RAB3C: variants seen among roughly 807,000 people sequenced by gnomAD.
RAB3C encodes the protein RAB3C, member RAS oncogene family.
Under a neutral mutation model 26.4 loss-of-function variants are expected in RAB3C, and 17 were observed. That is an observed-to-expected ratio of 0.64 (90% CI 0.44 to 0.97). RAB3C has a LOEUF of 0.97. RAB3C is among the 50% of genes least tolerant of loss of function. RAB3C has a pLI of 0.00. For missense variants in RAB3C, 242 were observed against 281.9 expected (o/e 0.86, Z 1.01); for synonymous variants, 91 against 95.9 (o/e 0.95, Z 0.30).
chr5:58,804,334 C>T (rs897596963), intron 3 of RAB3C, among the ~76,000 whole-genome samples: 5 of 152,128 alleles, frequency 3.3e-5, no homozygotes, highest in African/African-American at 9.7e-5. Flanking sequence ...GTGTGTTGTG[C>T]ATTCCTATTG....
chr5:58,838,273 G>A (rs1019686148), intron 4 of RAB3C, among the ~76,000 whole-genome samples: 6 of 151,860 alleles, frequency 4.0e-5, no homozygotes, highest in Admixed American at 2.0e-4. Flanking sequence ...CCAGCTACTC[G>A]GGAGGCTGAG....
chr5:58,764,291 G>A (rs1052975577), intron 3 of RAB3C, among the ~76,000 whole-genome samples: 1 of 143,704 alleles, frequency 7.0e-6, no homozygotes, highest in Non-Finnish European at 1.5e-5. Context: ...TTGTGCCCAC[G>A]GCTATGGCCT....
chr5:58,583,149 G>A lies in RAB3C; in HGVS notation c.-60G>A. 2 of 1,613,076 alleles carry A rather than the reference G, an allele frequency of 1.2e-6. No homozygotes were observed. Among genetic ancestry groups the A allele is most frequent in the Non-Finnish European group, 8.5e-7 (1 of 1,179,750 alleles). On this transcript the variant is annotated 5_prime_UTR_variant, in exon 1 of 5. Coordinates refer to ENST00000282878, the MANE Select transcript of RAB3C (RefSeq NM_138453.4). The stretch of plus-strand genomic sequence containing the variant: ...AGCGTGGAGCGCCGGGACTGTGCAC[G>A]CTTGACCGGAAGCCCAGACCAGTGC...
intron 3 of RAB3C, among the ~76,000 whole-genome samples, chr5:58,792,009 G>A (rs1323959670): frequency 6.6e-6 from 1 of 152,180 alleles, no homozygotes; most frequent in Non-Finnish European, 1.5e-5. Context: ...GTTGTAAATG[G>A]CAAAGGAAAT....
In RAB3C at chr5:58,786,343, T is replaced by C. The variant is rs1196804094; in HGVS notation, c.372-38695T>C. ...CTTGAGTCCAGCGTTTAGGGATGCATTGGAGGCAGCTGGCTGGTCCATCAT... is the reference window on the plus strand; with the variant it reads ...CTTGAGTCCAGCGTTTAGGGATGCACTGGAGGCAGCTGGCTGGTCCATCAT... On this transcript the variant is annotated intron_variant, in intron 3 of 4. Transcript: ENST00000282878. 2.6e-5 allele frequency among the ~76,000 whole-genome samples: 4 copies of C among 152,064 alleles called. No homozygotes were observed. In the South Asian group the frequency reaches 6.2e-4, roughly 24 times the overall value.
intron 2 of RAB3C, among the ~76,000 whole-genome samples, chr5:58,710,376 A>T (rs1166277316): frequency 6.6e-5 from 10 of 151,894 alleles, no homozygotes; most frequent in Admixed American, 4.6e-4. Flanking sequence ...AGGTGGGAGG[A>T]TCATTTGAGG....
chr5:58,702,744 G>T (rs910434908), intron 2 of RAB3C, among the ~76,000 whole-genome samples: 1 of 151,902 alleles, frequency 6.6e-6, no homozygotes, highest in Non-Finnish European at 1.5e-5. Context: ...AATAGCCTTT[G>T]TAGAAAAATT....
intron 2 of RAB3C, among the ~76,000 whole-genome samples, chr5:58,654,826 A>C (rs1747733235): frequency 6.6e-6 from 1 of 152,172 alleles, no homozygotes; most frequent in Admixed American, 6.5e-5. Context: ...TCCTTCATTC[A>C]ACATTTATTG....
chr5:58,636,809 G>C (rs1349462413), intron 2 of RAB3C, among the ~76,000 whole-genome samples: 1 of 152,114 alleles, frequency 6.6e-6, no homozygotes, highest in Non-Finnish European at 1.5e-5. Context: ...GATAGGAAGG[G>C]CATATGAGAA....
chr5:58,851,417 C>T lies in RAB3C; in HGVS notation c.*66C>T, dbSNP rs1414435287. On this transcript the variant is annotated 3_prime_UTR_variant, in exon 5 of 5. Transcript: ENST00000282878. ...CCAACAAACAGCATTTGTAAATGGT[C>T]TATTAGCCTTCATTTATACTGCCTA... is the stretch of plus-strand genomic sequence containing the variant. The T allele has an allele frequency of 3.6e-5, 46 of 1,289,572 alleles. No homozygotes were observed. The highest frequency in any genetic ancestry group is 4.9e-5 in the Non-Finnish European group (46 of 936,396). 79.9% of individuals were successfully genotyped at this position (1,289,572 alleles called of 1,614,324 possible).
At chr5:58,714,642 A>G (rs1749130901) in intron 2 of RAB3C, among the ~76,000 whole-genome samples, 1 of 152,138 alleles carries the variant, frequency 6.6e-6, no homozygotes, top group South Asian at 2.1e-4. Context: ...CAACATTATG[A>G]TTTATGATAG....
Position 58,856,243 on chromosome 5 carries a change from G to A in RAB3C, c.*4892G>A, listed in dbSNP as rs1045948708. ...GATTTCGTTTGATTAGTCTGTGCAT[G>A]TAATTAATTTCCTCCAAACAGAGAG... On this transcript the variant is annotated 3_prime_UTR_variant, in exon 5 of 5. Transcript: ENST00000282878. 6.6e-6 allele frequency: 1 copy of A among 151,764 alleles called. No individual in the cohort carries two copies. The highest frequency in any genetic ancestry group is 2.4e-5 in the African/African-American group (1 of 41,312). The allele number at this position is 151,764 out of a possible 1,614,324, so 9.4% of individuals were successfully genotyped here.
chr5:58,717,136 A>T (rs1383275342), intron 2 of RAB3C, among the ~76,000 whole-genome samples: 1 of 152,104 alleles, frequency 6.6e-6, no homozygotes, highest in Non-Finnish European at 1.5e-5. Context: ...TAAAAAGTTG[A>T]TTATTAAGAC....
chr5:58,680,469 A>G (rs1748322728), intron 2 of RAB3C, among the ~76,000 whole-genome samples: 1 of 152,236 alleles, frequency 6.6e-6, no homozygotes. Flanking sequence ...TAGGAAAAAC[A>G]TTTAGTTATC....
intron 2 of RAB3C, among the ~76,000 whole-genome samples, chr5:58,689,731 G>A (rs1323385145): frequency 6.6e-6 from 1 of 152,078 alleles, no homozygotes; most frequent in Non-Finnish European, 1.5e-5. Flanking sequence ...CACAAGTTAA[G>A]TGGGGTGGAA....
chr5:58,775,862 T>A (rs1363613835), intron 3 of RAB3C, among the ~76,000 whole-genome samples: 1 of 152,094 alleles, frequency 6.6e-6, no homozygotes, highest in Non-Finnish European at 1.5e-5. Context: ...TGATGGTAAG[T>A]GTTACTCATC....
chr5:58,804,639 GA>G (rs1742890989), intron 3 of RAB3C, among the ~76,000 whole-genome samples: 1 of 151,980 alleles, frequency 6.6e-6, no homozygotes, highest in African/African-American at 2.4e-5. Flanking sequence ...GCCAGGGAGA[GA>G]AAGTCACAGT....
intron 3 of RAB3C, among the ~76,000 whole-genome samples, chr5:58,734,639 A>C (rs927217058): frequency 8.5e-5 from 13 of 152,134 alleles, no homozygotes; most frequent in African/African-American, 2.9e-4. Context: ...AAAAACTCAA[A>C]ACACCCTGTT....
intron 3 of RAB3C, among the ~76,000 whole-genome samples, chr5:58,746,068 A>C (rs1741396630): frequency 6.6e-6 from 1 of 152,248 alleles, no homozygotes; most frequent in South Asian, 2.1e-4. Flanking sequence ...GACAATTCAC[A>C]GAATGTGTAA....
Sources: gnomAD v4.1 joint callset for allele counts (sites outside exome capture counted in the v4.1 genomes callset) on GRCh38, gnomAD v4.1.1 for gene constraint, MANE v1.5 for transcripts, NCBI Gene and HGNC (gene_info 2026-07-23, HGNC 2026-07-21) for gene names.